Variants in DCTN4 observed in about 807,000 individuals in gnomAD.
The protein encoded by DCTN4 is dynactin subunit 4, also known as dynactin 4 (p62).
A neutral mutation model predicts 62.7 loss-of-function variants in DCTN4; 23 were observed. The ratio of observed to expected loss-of-function variants is 0.37; its 90% CI spans 0.26 to 0.52. The LOEUF (loss-of-function observed/expected upper bound fraction) is 0.52, where lower values mean the gene tolerates loss of function less well. DCTN4 is among the 20% of genes least tolerant of loss of function. The pLI, the probability that DCTN4 is intolerant of heterozygous loss-of-function variation, is 0.92. For missense variants in DCTN4, 514 were observed against 580.4 expected, an observed-to-expected ratio of 0.89 and a Z score of 1.18; for synonymous variants, 199 against 202.1, an observed-to-expected ratio of 0.98 and a Z score of 0.13.
intron 3 of DCTN4, among the ~76,000 whole-genome samples, chr5:150,744,150 C>A (rs1469541184): frequency 2.0e-5 from 3 of 152,102 alleles, no homozygotes; most frequent in Non-Finnish European, 2.9e-5. Flanking sequence ...AATGCAGAAG[C>A]CTCAGGAGTC....
chr5:150,718,376 T>C lies in DCTN4; in HGVS notation c.971A>G (p.Gln324Arg). The C allele has an allele frequency of 6.2e-7, 1 of 1,611,838 alleles. No individual in the cohort carries two copies. Among genetic ancestry groups the C allele is most frequent in the Non-Finnish European group, 8.5e-7 (1 of 1,177,970 alleles). Residue 324 changes from glutamine (Q) to arginine (R), a missense_variant, in exon 11 of 13, where the codon CAG (glutamine) becomes CGG (arginine). By Grantham distance (43) the Gln-to-Arg change is conservative. Coordinates refer to ENST00000447998, the MANE Select transcript of DCTN4 (RefSeq NM_016221.4). ...TGGATTTGTAAGAGTCAGGAGGACC[T>C]GGCTCTCCTGGTGAATAGGAAACAC... ...IPNLRYMKES[Q>R]VLLTLTNPVE...
At chr5:150,718,225 G>A (rs1397357401) in intron 11 of DCTN4, 51 bp downstream of exon 11, 3 of 1,264,654 alleles carry the variant, frequency 2.4e-6, no homozygotes, top group Non-Finnish European at 2.3e-6. Flanking sequence ...GTCAAATGAG[G>A]ACACTCCAGG....
In DCTN4 at chr5:150,758,980, A is replaced by C; in HGVS notation, c.14T>G (p.Leu5Arg). The change falls in exon 1 of 13, where the codon CTG (leucine) becomes CGG (arginine). Residue 5 changes from leucine (L) to arginine (R), a missense_variant. Coordinates refer to ENST00000447998, the MANE Select transcript of DCTN4 (RefSeq NM_016221.4). ...TAGATAGAGAACCCGGTCCGACTGC[A>C]GCAAGGACGCCATCTTGGGGAGGGA... MASL[L>R]QSDRVLYLVQ... 1 of 1,614,038 alleles carries C rather than the reference A, an allele frequency of 6.2e-7. No individual in the cohort carries two copies. Among genetic ancestry groups the C allele is most frequent in the Non-Finnish European group, 8.5e-7 (1 of 1,179,940 alleles).
intron 12 of DCTN4, among the ~76,000 whole-genome samples, chr5:150,714,004 C>T (rs1759666777): frequency 6.6e-6 from 1 of 152,038 alleles, no homozygotes; most frequent in African/African-American, 2.4e-5. Context: ...GTAATACAAG[C>T]TCCTCAGGAG....
chr5:150,731,265 T>G (rs1041132457), intron 6 of DCTN4, 109 bp from the exon 7 acceptor site: 1 of 986,906 alleles, frequency 1.0e-6, no homozygotes, highest in Non-Finnish European at 1.6e-6. Flanking sequence ...TCCTCTGTCA[T>G]AGAATATCTG....
At chr5:150,749,202 C>G (rs1752578210) in intron 3 of DCTN4, among the ~76,000 whole-genome samples, 1 of 152,060 alleles carries the variant, frequency 6.6e-6, no homozygotes, top group Non-Finnish European at 1.5e-5. Context: ...ATTTGCAAAA[C>G]ATATATTCAA....
At chr5:150,720,952 T>C (rs142449876) in intron 9 of DCTN4, among the ~76,000 whole-genome samples, 1 of 152,358 alleles carries the variant, frequency 6.6e-6, no homozygotes, top group East Asian at 1.9e-4. Context: ...AAGTGCCATT[T>C]CTGTAGGTCT....
chr5:150,749,300 A>C (rs1752584671), intron 3 of DCTN4, among the ~76,000 whole-genome samples: 1 of 152,242 alleles, frequency 6.6e-6, no homozygotes, highest in Non-Finnish European at 1.5e-5. Flanking sequence ...AAACCCAGTT[A>C]AAAAGTAGGG....
Position 150,731,154 on chromosome 5 carries a change from A to G in DCTN4, c.614T>C (p.Leu205Pro). ...CTCTTTCTGATCCTCTCCTTCTTTA[A>G]GGCTGAAAAATTAAAAAAACAAAAC... ...ASISTLAGLSLKEGEDQKEIK... is the reference protein window; with the variant it reads ...ASISTLAGLSPKEGEDQKEIK... The change falls in exon 7 of 13, where the codon CTT (leucine) becomes CCT (proline). Residue 205 changes from leucine (L) to proline (P), a missense_variant and splice_region_variant. By Grantham distance (98) the Leu-to-Pro change is moderately conservative. Coordinates refer to ENST00000447998, the MANE Select transcript of DCTN4 (RefSeq NM_016221.4). The G allele has an allele frequency of 6.3e-7, 1 of 1,598,456 alleles. No individual in the cohort carries two copies. Among genetic ancestry groups the G allele is most frequent in the Non-Finnish European group, 8.6e-7 (1 of 1,169,292 alleles).
At chr5:150,757,823 GT>G (rs1752917200) in intron 1 of DCTN4, 1 of 152,222 alleles carries the variant, frequency 6.6e-6, no homozygotes, top group Admixed American at 6.6e-5. Context: ...TATTTTAACA[GT>G]CCCGGGATCT....
At chr5:150,729,322 C>T (rs1463091955) in intron 8 of DCTN4, among the ~76,000 whole-genome samples, 3 of 151,934 alleles carry the variant, frequency 2.0e-5, no homozygotes, top group African/African-American at 7.3e-5. Context: ...GTACCCATCA[C>T]CCAACTTCAA....
rs762785047 is a variant in DCTN4 at position 150,719,785 on chromosome 5, A to G, written c.909-15T>C. ...GAATATAATTGCTGTGCATAAATAA[A>G]AAAATGCATTAATGTTCATTGGAGT... is the stretch of plus-strand genomic sequence containing the variant. On this transcript the variant is annotated splice_polypyrimidine_tract_variant and intron_variant, in intron 9 of 12. Coordinates refer to ENST00000447998, the MANE Select transcript of DCTN4 (RefSeq NM_016221.4). The G allele has an allele frequency of 1.0e-5, 16 of 1,562,086 alleles. No homozygotes were observed. The African/African-American group carries it at 1.3e-4, about 13-fold the overall frequency.
chr5:150,725,598 TA>T (rs1269215736), intron 8 of DCTN4, among the ~76,000 whole-genome samples: 2 of 152,196 alleles, frequency 1.3e-5, no homozygotes, highest in Non-Finnish European at 2.9e-5. Context: ...CTGACATCGC[TA>T]ATCTTTTAAT....
chr5:150,743,338 GC>G (rs1322400520), intron 3 of DCTN4, among the ~76,000 whole-genome samples: 2 of 152,208 alleles, frequency 1.3e-5, no homozygotes, highest in Admixed American at 6.5e-5. Context: ...AAGGAGGCCT[GC>G]CTGCCTCTGT....
Position 150,730,675 on chromosome 5 carries a change from G to A in DCTN4, c.790C>T (p.Pro264Ser), listed in dbSNP as rs768419792. ...FQPVCASQLYPRHKHLLIKRS... is the reference protein window; with the variant it reads ...FQPVCASQLYSRHKHLLIKRS... ...TTGATCAGAAGATGTTTGTGGCGAG[G>A]ATAGAGCTGTGAAGCACAGACTGGC... Residue 264 changes from proline (P) to serine (S), a missense_variant, in exon 8 of 13, where the codon CCT becomes TCT. Transcript: ENST00000447998. The A allele has an allele frequency of 1.1e-5, 17 of 1,614,098 alleles. No individual in the cohort carries two copies. Among genetic ancestry groups the A allele is most frequent in the Non-Finnish European group, 1.4e-5 (17 of 1,179,986 alleles).
intron 8 of DCTN4, among the ~76,000 whole-genome samples, chr5:150,723,777 T>A (rs930417078): frequency 1.3e-5 from 2 of 152,248 alleles, no homozygotes; most frequent in African/African-American, 2.4e-5. Context: ...CCTATGCACA[T>A]AAAAGTACAA....
intron 6 of DCTN4, 116 bp from the exon 7 acceptor site, chr5:150,731,272 T>C: frequency 1.0e-6 from 1 of 974,414 alleles, no homozygotes; most frequent in East Asian, 2.5e-5. Flanking sequence ...TCATAGAATA[T>C]CTGTATAGCG....
chr5:150,743,331 G>A (rs1760839098), intron 3 of DCTN4, among the ~76,000 whole-genome samples: 1 of 152,038 alleles, frequency 6.6e-6, no homozygotes, highest in Non-Finnish European at 1.5e-5. Flanking sequence ...ACAGCTCAAG[G>A]AGGCCTGCCT....
At chr5:150,741,865 G>C (rs1760782206) in intron 4 of DCTN4, among the ~76,000 whole-genome samples, 1 of 152,164 alleles carries the variant, frequency 6.6e-6, no homozygotes, top group African/African-American at 2.4e-5. Context: ...CAAAAACTTG[G>C]TTCCTTTTCC....
Sources: gnomAD v4.1 joint callset for allele counts (sites outside exome capture counted in the v4.1 genomes callset) on GRCh38, gnomAD v4.1.1 for gene constraint, MANE v1.5 for transcripts, NCBI Gene and HGNC (gene_info 2026-07-23, HGNC 2026-07-21) for gene names.